Variants in DENND2B observed in about 807,000 individuals in gnomAD.
DENND2B encodes the protein DENN domain-containing protein 2B.
DENND2B carries 32 observed loss-of-function variants against 116.0 expected under a neutral mutation model. The observed-to-expected ratio is 0.28, with a 90% CI of 0.21 to 0.37. The LOEUF (loss-of-function observed/expected upper bound fraction) is 0.37. DENND2B is among the 10% of genes least tolerant of loss of function. The pLI, the probability that DENND2B is intolerant of heterozygous loss-of-function variation, is 1.00. For missense variants in DENND2B, 1,276 were observed against 1,477.7 expected (o/e 0.86, Z 2.24); for synonymous variants, 588 against 583.9 (o/e 1.01, Z -0.10).
chr11:8,894,099 C>CT (rs996954160), intron 1 of DENND2B, among the ~76,000 whole-genome samples: 7 of 152,126 alleles, frequency 4.6e-5, no homozygotes, highest in Admixed American at 1.3e-4. Flanking sequence ...TACCAGACAT[C>CT]TACAACCATC....
chr11:8,731,351 A>T, intron 2 of DENND2B, 142 bp from the exon 3 acceptor site: 1 of 812,188 alleles, frequency 1.2e-6, no homozygotes, highest in Non-Finnish European at 1.8e-6. Context: ...CAAGTAATAT[A>T]CCTTGAAGGC....
intron 2 of DENND2B, among the ~76,000 whole-genome samples, chr11:8,743,132 G>GT (rs2050528977): frequency 6.6e-6 from 1 of 152,162 alleles, no homozygotes; most frequent in South Asian, 2.1e-4. Context: ...GTGTGTGTGT[G>GT]TGAGTGTGTG....
At chr11:8,724,636 A>T (rs936554304) in intron 4 of DENND2B, among the ~76,000 whole-genome samples, 2 of 152,226 alleles carry the variant, frequency 1.3e-5, no homozygotes, top group African/African-American at 4.8e-5. Context: ...CAAGTTTGCC[A>T]ATACCATGTC....
intron 11 of DENND2B, 92 bp downstream of exon 11, chr11:8,710,753 G>GCGCA: frequency 1.7e-5 from 14 of 830,354 alleles, no homozygotes; most frequent in Admixed American, 4.3e-5. Flanking sequence ...TTGCAGAAGG[G>GCGCA]CACACACACA....
intron 3 of DENND2B, among the ~76,000 whole-genome samples, chr11:8,729,363 G>A (rs997454781): frequency 2.0e-5 from 3 of 152,216 alleles, no homozygotes; most frequent in South Asian, 2.1e-4. Flanking sequence ...CGTGAGCCTC[G>A]GAACAGGCTC....
intron 1 of DENND2B, among the ~76,000 whole-genome samples, chr11:8,898,710 A>G (rs1399322592): frequency 6.6e-6 from 1 of 152,232 alleles, no homozygotes; most frequent in Admixed American, 6.5e-5. Flanking sequence ...TCACATTACA[A>G]TAGAGACCAC....
intron 3 of DENND2B, among the ~76,000 whole-genome samples, chr11:8,853,368 A>C (rs1338115915): frequency 1.3e-5 from 2 of 152,180 alleles, no homozygotes; most frequent in Non-Finnish European, 2.9e-5. Context: ...TCCATCTCAA[A>C]AAACAAAAAG....
In DENND2B at chr11:8,726,201, A is replaced by G; in HGVS notation, c.1349T>C (p.Phe450Ser). The G allele has an allele frequency of 3.7e-6, 6 of 1,609,130 alleles. No individual in the cohort carries two copies. Among genetic ancestry groups the G allele is most frequent in the Non-Finnish European group, 5.1e-6 (6 of 1,177,816 alleles). ...GAGACTGGATGCATCCTCAAACTCA[A>G]AGGATTTTCTGTGGATAACAAGAGC... is the stretch of plus-strand genomic sequence containing the variant. Reference protein sequence around the residue: ...GHRKSQSRKSFEFEDASSLQS... With the variant: ...GHRKSQSRKSSEFEDASSLQS... The change falls in exon 4 of 20, where the codon TTT becomes TCT. Residue 450 changes from phenylalanine to serine, a missense_variant. This residue lies in a region of DENND2B where 856 missense variants were observed against 846.6 expected (regional missense o/e 1.01). Coordinates refer to ENST00000313726, the MANE Select transcript of DENND2B (RefSeq NM_213618.2).
intron 1 of DENND2B, among the ~76,000 whole-genome samples, chr11:8,902,271 A>G (rs997289129): frequency 3.3e-5 from 5 of 151,050 alleles, no homozygotes; most frequent in Non-Finnish European, 5.9e-5. Context: ...GGCTGCAGTG[A>G]GCTGAGATCA....
intron 3 of DENND2B, among the ~76,000 whole-genome samples, chr11:8,846,740 GTTC>G (rs1192315532): frequency 6.6e-6 from 1 of 152,162 alleles, no homozygotes; most frequent in Non-Finnish European, 1.5e-5. Context: ...CTTATAGTCA[GTTC>G]TTCTACCTCT....
intron 1 of DENND2B, among the ~76,000 whole-genome samples, chr11:8,764,460 A>G (rs2055254061): frequency 6.6e-6 from 1 of 152,230 alleles, no homozygotes. Flanking sequence ...AGATGCCATT[A>G]TCTCCATTTT....
At chr11:8,744,745 C>G (rs2050919533) in intron 2 of DENND2B, among the ~76,000 whole-genome samples, 1 of 152,080 alleles carries the variant, frequency 6.6e-6, no homozygotes, top group African/African-American at 2.4e-5. Flanking sequence ...CTTATTTTCC[C>G]CTTTTTGAAA....
intron 13 of DENND2B, among the ~76,000 whole-genome samples, chr11:8,706,572 CAG>C (rs1386019790): frequency 1.3e-5 from 2 of 152,206 alleles, no homozygotes; most frequent in Non-Finnish European, 2.9e-5. Context: ...GTTACTTTCT[CAG>C]AGGAGACCTT....
At chr11:8,698,872 A>T in intron 16 of DENND2B, 61 bp downstream of exon 16, 1 of 1,579,272 alleles carries the variant, frequency 6.3e-7, no homozygotes, top group Non-Finnish European at 8.7e-7. Context: ...AAGGTTGAGT[A>T]GTGTGTGTGA....
intron 1 of DENND2B, chr11:8,766,492 G>A (rs937413525): frequency 8.9e-6 from 6 of 671,480 alleles, no homozygotes; most frequent in Non-Finnish European, 1.3e-5. Flanking sequence ...TTCCACACAC[G>A]CTCAGACTTG....
At position 8,715,761 on chromosome 11, in the gene DENND2B, T is replaced by A. The variant is rs749864388; in HGVS notation, c.1687A>T (p.Ser563Cys). The A allele has an allele frequency of 2.5e-6, 4 of 1,613,952 alleles. No homozygotes were observed. The highest frequency in any genetic ancestry group is 3.4e-6 in the Non-Finnish European group (4 of 1,179,852). The change falls in exon 6 of 20, where the codon AGC (serine) becomes TGC (cysteine). Residue 563 changes from serine to cysteine, a missense_variant. Transcript: ENST00000313726. ...TTGGGTAATCGTGGCAGCCGGTGGC[T>A]CTTCCTTTCTGACCAGTTCCCACTG... ...LRSGNWSERK[S>C]HRLPRLPKRH...
At chr11:8,909,413 G>A (rs1337029101) in intron 1 of DENND2B, among the ~76,000 whole-genome samples, 1 of 95,824 alleles carries the variant, frequency 1.0e-5, no homozygotes, top group Non-Finnish European at 2.3e-5. Context: ...AGAGGAAGAA[G>A]AGGAAGAGGA....
intron 1 of DENND2B, among the ~76,000 whole-genome samples, chr11:8,780,923 G>A (rs74053199): frequency 0.04 from 6,097 of 152,178 alleles, 405 homozygotes; most frequent in African/African-American, 0.14. Flanking sequence ...AGTGGCCAGG[G>A]TGGCTAAGAG....
At chr11:8,888,527 G>A (rs2063987722) in intron 1 of DENND2B, among the ~76,000 whole-genome samples, 1 of 152,162 alleles carries the variant, frequency 6.6e-6, no homozygotes, top group African/African-American at 2.4e-5. Context: ...AATCATTTCT[G>A]GGATATGACA....
Sources: allele counts gnomAD v4.1 joint callset (sites outside exome capture counted in the v4.1 genomes callset), GRCh38; gene constraint gnomAD v4.1.1; regional missense constraint gnomAD v4.1.1; transcripts MANE v1.5; gene names NCBI Gene and HGNC (gene_info 2026-07-23, HGNC 2026-07-21).